FAM90A20: variants seen among roughly 807,000 people sequenced by gnomAD.
The protein encoded by FAM90A20 is family with sequence similarity 90 member A20.
chr8:7,296,942 C>G, the FAM90A20 span: 150 of 860,876 alleles, frequency 1.7e-4, 15 homozygotes, highest in South Asian at 7.4e-4. Flanking sequence ...TTCCAAGGAC[C>G]GCCTGTCGAT....
the FAM90A20 span, among the ~76,000 whole-genome samples, chr8:7,296,677 G>C: frequency 1.5e-5 from 2 of 135,464 alleles, 1 homozygote; most frequent in Non-Finnish European, 3.0e-5. Flanking sequence ...CGCAAACGTG[G>C]AGAAGGCTAA....
At chr8:7,295,807 G>C in the FAM90A20 span, 4 of 1,093,138 alleles carry the variant, frequency 3.7e-6, 1 homozygote, top group Admixed American at 7.0e-5. Flanking sequence ...ACAAGGATAA[G>C]GGAGAGAAGG....
chr8:7,296,938 G>C, the FAM90A20 span: 2 of 833,896 alleles, frequency 2.4e-6, no homozygotes, highest in East Asian at 2.7e-5. Context: ...CTACTTCCAA[G>C]GACCGCCTGT....
chr8:7,296,723 C>T, the FAM90A20 span, among the ~76,000 whole-genome samples: 15 of 135,710 alleles, frequency 1.1e-4, 4 homozygotes, highest in African/African-American at 4.6e-4. Context: ...GAAGACGTCC[C>T]GAGTACCCTT....
the FAM90A20 span, among the ~76,000 whole-genome samples, chr8:7,296,796 G>A: frequency 1.5e-5 from 2 of 136,088 alleles, 1 homozygote; most frequent in African/African-American, 7.0e-5. Flanking sequence ...GCTGAGTGGA[G>A]GCACTTTGAT....
chr8:7,297,370 C>T, the FAM90A20 span: 18 of 1,480,522 alleles, frequency 1.2e-5, 1 homozygote, highest in South Asian at 1.7e-4. Flanking sequence ...CCTCCAAAAC[C>T]CACGGCCTGC....
the FAM90A20 span, chr8:7,297,081 C>A: frequency 9.9e-6 from 15 of 1,508,694 alleles, no homozygotes; most frequent in South Asian, 1.7e-4. Flanking sequence ...GGGCCAATGC[C>A]GGTCCACACA....
At chr8:7,297,402 C>T in the FAM90A20 span, 7 of 1,540,656 alleles carry the variant, frequency 4.5e-6, no homozygotes, top group South Asian at 1.1e-5. Context: ...AGAACCCAGG[C>T]ACAAGACAAA....
chr8:7,295,479 G>A, the FAM90A20 span, among the ~76,000 whole-genome samples: 1 of 116,158 alleles, frequency 8.6e-6, no homozygotes, highest in Non-Finnish European at 1.6e-5. Flanking sequence ...CATCGTATCC[G>A]AACTCTCCCA....
chr8:7,297,266 C>A, the FAM90A20 span: 3 of 1,413,084 alleles, frequency 2.1e-6, no homozygotes, highest in South Asian at 1.2e-5. Context: ...CATCCCTCGG[C>A]CTGCAGTCAG....
chr8:7,296,322 CAT>C, the FAM90A20 span: 20 of 740,238 alleles, frequency 2.7e-5, 1 homozygote, highest in East Asian at 7.5e-5. Context: ...CTCTCCTCCA[CAT>C]GTTTTCCGGG....
the FAM90A20 span, chr8:7,296,368 G>T: frequency 1.3e-6 from 1 of 745,182 alleles, no homozygotes; most frequent in South Asian, 1.4e-5. Flanking sequence ...GAATGGAAAA[G>T]GATCCACGGA....
chr8:7,296,549 A>T, the FAM90A20 span, among the ~76,000 whole-genome samples: 1 of 135,224 alleles, frequency 7.4e-6, no homozygotes, highest in Non-Finnish European at 1.5e-5. Context: ...GGTCAGTTTG[A>T]TTCCAGGCGA....
chr8:7,296,440 A>T, the FAM90A20 span: 5 of 713,614 alleles, frequency 7.0e-6, no homozygotes, highest in East Asian at 2.6e-5. Context: ...TCCTCTAGGT[A>T]ACCCTGGTTG....
At chr8:7,295,748 A>T in the FAM90A20 span, 5 of 1,217,328 alleles carry the variant, frequency 4.1e-6, 1 homozygote, top group Non-Finnish European at 5.8e-6. Context: ...AGGGAAGGAA[A>T]ACCTGAAACC....
At chr8:7,295,727 G>A in the FAM90A20 span, 3 of 1,020,272 alleles carry the variant, frequency 2.9e-6, no homozygotes, top group East Asian at 2.5e-5. Flanking sequence ...AGCGACCTTG[G>A]GGAAAAAGGA....
chr8:7,295,835 G>T, the FAM90A20 span: 1 of 779,950 alleles, frequency 1.3e-6, no homozygotes, highest in South Asian at 1.4e-5. Flanking sequence ...ACCAAGGTGA[G>T]CAGTGGGAGG....
the FAM90A20 span, among the ~76,000 whole-genome samples, chr8:7,296,032 C>T: frequency 7.7e-6 from 1 of 129,036 alleles, no homozygotes; most frequent in South Asian, 2.3e-4. Flanking sequence ...CGGGGAGAGG[C>T]GGGGGCGCTT....
At chr8:7,295,859 C>T in the FAM90A20 span, 19 of 688,652 alleles carry the variant, frequency 2.8e-5, no homozygotes, top group South Asian at 2.7e-4. Context: ...TTTCACCACT[C>T]TTAGGGTACT....
Sources: gnomAD v4.1 joint callset for allele counts (sites outside exome capture counted in the v4.1 genomes callset) on GRCh38, gnomAD v4.1.1 for gene constraint, MANE v1.5 for transcripts, NCBI Gene and HGNC (gene_info 2026-07-23, HGNC 2026-07-21) for gene names.